Variants in HSPA12A observed in about 807,000 individuals in gnomAD.
The protein encoded by HSPA12A is heat shock 70 kDa protein 12A.
HSPA12A carries 28 observed loss-of-function variants against 69.2 expected under a neutral mutation model. That is an observed-to-expected ratio of 0.40 (90% CI 0.30 to 0.55). The LOEUF (loss-of-function observed/expected upper bound fraction) is 0.55, where lower values mean the gene tolerates loss of function less well. HSPA12A is among the 20% of genes least tolerant of loss of function. The pLI, the probability that HSPA12A is intolerant of heterozygous loss-of-function variation, is 0.38. For missense variants in HSPA12A, 686 were observed against 900.7 expected (o/e 0.76, Z 3.05); for synonymous variants, 345 against 370.5 (o/e 0.93, Z 0.79).
chr10:116,683,744 C>A (rs1554879027), intron 7 of HSPA12A, 47 bp downstream of exon 7: 2 of 1,452,582 alleles, frequency 1.4e-6, no homozygotes, highest in East Asian at 2.4e-5. Context: ...ACATCCAGGG[C>A]TTGGGAAGGA....
At chr10:116,747,891 TG>T (rs1388748445) in intron 2 of HSPA12A, among the ~76,000 whole-genome samples, 2 of 152,002 alleles carry the variant, frequency 1.3e-5, no homozygotes, top group Non-Finnish European at 2.9e-5. Flanking sequence ...CTCAGCTACT[TG>T]GGAGGCTGAG....
At chr10:116,683,635 G>T (rs1257265105) in intron 7 of HSPA12A, 156 bp downstream of exon 7, 3 of 599,314 alleles carry the variant, frequency 5.0e-6, no homozygotes, top group East Asian at 6.5e-5. Context: ...GCCAGGTAGG[G>T]GGGCTGAGCA....
intron 6 of HSPA12A, among the ~76,000 whole-genome samples, chr10:116,684,684 C>T (rs910805864): frequency 2.6e-5 from 4 of 152,146 alleles, no homozygotes; most frequent in African/African-American, 4.8e-5. Flanking sequence ...TCAAAGCCTC[C>T]ACCCTTTAAT....
intron 1 of HSPA12A, 100 bp downstream of exon 1, chr10:116,742,330 T>A: frequency 8.0e-7 from 1 of 1,248,910 alleles, no homozygotes; most frequent in Non-Finnish European, 1.0e-6. Context: ...CGTCCCCACT[T>A]TTCCACGGCG....
chr10:116,726,187 A>G (rs527555366), intron 1 of HSPA12A, among the ~76,000 whole-genome samples: 41 of 152,024 alleles, frequency 2.7e-4, no homozygotes, highest in African/African-American at 8.9e-4. Flanking sequence ...CAATCTCACT[A>G]CCGAATATTT....
Position 116,755,821 on chromosome 10 carries a change from A to T in HSPA12A, c.92-48536T>A, listed in dbSNP as rs1171082726. On this transcript the variant is annotated intron_variant, in intron 2 of 12. Coordinates refer to the HSPA12A transcript ENST00000635765. ...CATCTCTACCAAAAAAAAAAAAAAA[A>T]ATACAAAAATACAAAAATAAAGAGC... 5.3e-5 allele frequency among the ~76,000 whole-genome samples: 8 copies of T among 149,660 alleles called. No homozygotes were observed. The East Asian group carries it at 1.4e-3, about 26-fold the overall frequency.
At chr10:116,846,728 G>A (rs1845894749) in intron 1 of HSPA12A, among the ~76,000 whole-genome samples, 1 of 152,156 alleles carries the variant, frequency 6.6e-6, no homozygotes, top group African/African-American at 2.4e-5. Context: ...ATGAAAAGAA[G>A]AAAATAAAAG....
exon 1 of HSPA12A, chr10:116,849,689 C>T (rs1410595096): frequency 2.6e-6 from 4 of 1,547,372 alleles, no homozygotes; most frequent in South Asian, 2.4e-5. Context: ...AGCTGCTCAA[C>T]TCCACCTTCT....
At chr10:116,787,418 T>C (rs1469092813) in intron 2 of HSPA12A, among the ~76,000 whole-genome samples, 4 of 115,682 alleles carry the variant, frequency 3.5e-5, no homozygotes, top group African/African-American at 1.3e-4. Context: ...CACATCCACA[T>C]ACTAGAATAC....
At chr10:116,713,156 C>T (rs1454287773) in intron 1 of HSPA12A, among the ~76,000 whole-genome samples, 1 of 150,196 alleles carries the variant, frequency 6.7e-6, no homozygotes, top group Non-Finnish European at 1.5e-5. Context: ...AACTGATCAG[C>T]TCAAGGTCAT....
intron 2 of HSPA12A, among the ~76,000 whole-genome samples, chr10:116,809,417 T>C (rs1161044700): frequency 6.6e-6 from 1 of 152,208 alleles, no homozygotes; most frequent in Non-Finnish European, 1.5e-5. Flanking sequence ...AGCTTGAGTT[T>C]GACCAAATTT....
intron 2 of HSPA12A, among the ~76,000 whole-genome samples, chr10:116,787,026 TCA>T (rs1564819687): frequency 6.8e-6 from 1 of 147,924 alleles, no homozygotes; most frequent in Non-Finnish European, 1.5e-5. Context: ...ACGCACGCAC[TCA>T]CACACACACG....
At position 116,675,356 on chromosome 10, in the gene HSPA12A, C is replaced by T; in HGVS notation, c.1453G>A (p.Ala485Thr). The change falls in exon 12 of 12, where the codon GCC (alanine) becomes ACC (threonine). Residue 485 changes from alanine to threonine, a missense_variant. Physicochemically the swap from Ala to Thr is moderately conservative, Grantham distance 58. Transcript: ENST00000369209. This position sits in a 1 kb window ranked among gnomAD's most constrained non-coding sequence, Gnocchi z 5.2. ...VKFLFLVGGF[A>T]EAPLLQQAVQ... ...GCCTGCTGCAGCAGGGGCGCCTCGGCAAAGCCGCCCACCAGAAAGAGGAAC... is the reference window on the plus strand; with the variant it reads ...GCCTGCTGCAGCAGGGGCGCCTCGGTAAAGCCGCCCACCAGAAAGAGGAAC... 1 of 1,611,540 alleles carries T rather than the reference C, an allele frequency of 6.2e-7. No homozygotes were observed. The highest frequency in any genetic ancestry group is 8.5e-7 in the Non-Finnish European group (1 of 1,179,340).
intron 2 of HSPA12A, among the ~76,000 whole-genome samples, chr10:116,794,020 A>G (rs1171645605): frequency 6.6e-6 from 1 of 152,092 alleles, no homozygotes; most frequent in African/African-American, 2.4e-5. Context: ...AATATGGTGA[A>G]ACCCTGTCTC....
chr10:116,718,222 G>A (rs1312240757), intron 1 of HSPA12A, among the ~76,000 whole-genome samples: 3 of 152,230 alleles, frequency 2.0e-5, no homozygotes, highest in East Asian at 1.9e-4. Flanking sequence ...CCTGGACTGA[G>A]GCTAAAGAAA....
At position 116,834,191 on chromosome 10, in the gene HSPA12A, C is replaced by T. The variant is rs781055400; in HGVS notation, c.91+744G>A. On this transcript the variant is annotated intron_variant, in intron 2 of 12. Coordinates refer to the HSPA12A transcript ENST00000635765. ...GGCTGCAATTGAAGCTGTCAGTTCT[C>T]GGCTTGTCACCGGTTGCACTGGGAG... is the stretch of plus-strand genomic sequence containing the variant. Among the ~76,000 whole-genome samples the T allele has an allele frequency of 5.3e-5, 8 of 152,282 alleles. No homozygotes were observed. The East Asian group carries it at 5.8e-4, about 11-fold the overall frequency.
intron 2 of HSPA12A, among the ~76,000 whole-genome samples, chr10:116,813,919 T>C (rs901798852): frequency 6.6e-6 from 1 of 151,962 alleles, no homozygotes; most frequent in Non-Finnish European, 1.5e-5. Flanking sequence ...AAATGTCTAG[T>C]AATAGAATAA....
intron 2 of HSPA12A, among the ~76,000 whole-genome samples, chr10:116,747,644 C>T (rs1207788250): frequency 6.6e-6 from 1 of 152,240 alleles, no homozygotes; most frequent in East Asian, 1.9e-4. Flanking sequence ...CAGCCCAGTG[C>T]CTGGCTTGCA....
intron 2 of HSPA12A, among the ~76,000 whole-genome samples, chr10:116,773,650 C>T (rs1330459140): frequency 6.6e-6 from 1 of 152,222 alleles, no homozygotes; most frequent in Admixed American, 6.5e-5. Context: ...GGGGCCTCAG[C>T]CAAGGGTTGT....
Sources: gnomAD v4.1 joint callset for allele counts (sites outside exome capture counted in the v4.1 genomes callset) on GRCh38, gnomAD v4.1.1 for gene constraint, Gnocchi (gnomAD v3.1) non-coding constraint, MANE v1.5 for transcripts, NCBI Gene and HGNC (gene_info 2026-07-23, HGNC 2026-07-21) for gene names.